DUSP16: variants seen among roughly 807,000 people sequenced by gnomAD.
The protein encoded by DUSP16 is dual specificity phosphatase 16.
DUSP16 carries 21 observed loss-of-function variants against 58.3 expected under a neutral mutation model. That is an observed-to-expected ratio of 0.36 (90% confidence interval 0.26 to 0.52). The LOEUF is 0.52. DUSP16 is among the 20% of genes least tolerant of loss of function. DUSP16 has a pLI of 0.94. For synonymous variants in DUSP16, 320 were observed against 323.8 expected (o/e 0.99, Z 0.12); for missense variants, 726 against 819.0 (o/e 0.89, Z 1.39).
chr12:12,518,374 G>A (rs1178075827), intron 3 of DUSP16, among the ~76,000 whole-genome samples: 8 of 152,080 alleles, frequency 5.3e-5, no homozygotes, highest in East Asian at 1.9e-4. Flanking sequence ...TTAGCCAGGC[G>A]TGGTGGCAGG....
intron 3 of DUSP16, among the ~76,000 whole-genome samples, chr12:12,508,876 C>T (rs1262567807): frequency 1.3e-5 from 2 of 152,166 alleles, no homozygotes; most frequent in African/African-American, 4.8e-5. Flanking sequence ...CACCAGCAGA[C>T]AAATCACTAA....
chr12:12,515,690 T>C (rs1273597910), intron 3 of DUSP16, among the ~76,000 whole-genome samples: 1 of 151,954 alleles, frequency 6.6e-6, no homozygotes, highest in Non-Finnish European at 1.5e-5. Context: ...GGTCTTTAAA[T>C]TGTACTTATT....
At chr12:12,493,451 A>T (rs1407061140) in intron 4 of DUSP16, among the ~76,000 whole-genome samples, 1 of 152,136 alleles carries the variant, frequency 6.6e-6, no homozygotes, top group Non-Finnish European at 1.5e-5. Flanking sequence ...AAGTGATCCT[A>T]ACAATGTAAG....
chr12:12,479,767 G>T (rs1031198574), intron 6 of DUSP16, among the ~76,000 whole-genome samples: 16 of 152,172 alleles, frequency 1.1e-4, no homozygotes, highest in Admixed American at 9.8e-4. Context: ...TTTTACTGAA[G>T]AATGGAGTCT....
intron 1 of DUSP16, among the ~76,000 whole-genome samples, chr12:12,547,424 TCAAAACAAA>T (rs201956034): frequency 0.017 from 1,951 of 116,280 alleles, 57 homozygotes; most frequent in African/African-American, 0.062. Context: ...AGACTTGGTC[TCAAAACAAA>T]CAAAACAAAC....
chr12:12,555,932 T>C (rs1026738138), intron 1 of DUSP16, among the ~76,000 whole-genome samples: 9 of 152,102 alleles, frequency 5.9e-5, no homozygotes, highest in African/African-American at 2.2e-4. Context: ...TCCTAGCTAT[T>C]TGGGAGGCTG....
chr12:12,499,612 A>T, intron 4 of DUSP16, among the ~76,000 whole-genome samples: 1 of 152,178 alleles, frequency 6.6e-6, no homozygotes, highest in East Asian at 1.9e-4. Flanking sequence ...TTATTTTTAC[A>T]ATCAGCCCAA....
At chr12:12,503,969 C>T (rs906826031) in intron 3 of DUSP16, among the ~76,000 whole-genome samples, 2 of 152,058 alleles carry the variant, frequency 1.3e-5, no homozygotes, top group Non-Finnish European at 2.9e-5. Context: ...CACAGACAAT[C>T]TCAAAAAAAG....
At chr12:12,500,093 A>G (rs1040701095) in intron 4 of DUSP16, among the ~76,000 whole-genome samples, 3 of 152,094 alleles carry the variant, frequency 2.0e-5, no homozygotes, top group Non-Finnish European at 4.4e-5. Flanking sequence ...GCCAGCAGTC[A>G]TCATGAGGAC....
At chr12:12,531,922 G>T (rs1345354906) in intron 1 of DUSP16, among the ~76,000 whole-genome samples, 1 of 152,090 alleles carries the variant, frequency 6.6e-6, no homozygotes, top group Non-Finnish European at 1.5e-5. Context: ...ACTTTGGGAG[G>T]CCGAGGCGGG....
chr12:12,500,499 GA>G lies in DUSP16; in HGVS notation c.531+19del, dbSNP rs1357700904. ...TAACAATATAAACCCAGCAATGAAG[GA>G]TATTTTCAAAGCACCCACCTTGTTG... On this transcript the variant is annotated intron_variant, in intron 4 of 6. Transcript: ENST00000298573. The G allele has an allele frequency of 1.9e-6, 3 of 1,590,246 alleles. No homozygotes were observed. The highest frequency in any genetic ancestry group is 2.6e-6 in the Non-Finnish European group (3 of 1,170,768).
At chr12:12,500,771 C>A in intron 3 of DUSP16, 89 bp from the exon 4 acceptor site, 1 of 1,239,506 alleles carries the variant, frequency 8.1e-7, no homozygotes, top group East Asian at 2.8e-5. Flanking sequence ...CAGTTTAAAC[C>A]CACGAATCCA....
rs1943425781 is a variant in DUSP16, at chr12:12,476,013, G to C, written c.*820C>G. The C allele has an allele frequency of 6.6e-6, 1 of 152,248 alleles. No homozygotes were observed. Among genetic ancestry groups the C allele is most frequent in the African/African-American group, 2.4e-5 (1 of 41,446 alleles). The allele number at this position is 152,248 out of a possible 1,614,324, so 9.4% of individuals were successfully genotyped here. A position where few individuals can be genotyped will look rare whatever the true frequency, so the allele number is the denominator to read the frequency against. On this transcript the variant is annotated 3_prime_UTR_variant, in exon 7 of 7. Coordinates refer to ENST00000298573, the MANE Select transcript of DUSP16 (RefSeq NM_030640.3). ...CAACCTTAGCTTAAATCGTGATGTT[G>C]CCAGGTTCCTGGTGGTTCAGCTGAA...
At position 12,515,658 on chromosome 12, in the gene DUSP16, G is replaced by A. The variant is rs555820855; in HGVS notation, c.367+4204C>T. On this transcript the variant is annotated intron_variant, in intron 3 of 6. Coordinates refer to ENST00000298573, the MANE Select transcript of DUSP16 (RefSeq NM_030640.3). ...GAATTCTTAAGTCTAAATTTCAAGGGGGGTTGTGGGGAAGATATGCAGGTC... is the reference window on the plus strand; with the variant it reads ...GAATTCTTAAGTCTAAATTTCAAGGAGGGTTGTGGGGAAGATATGCAGGTC... Among the ~76,000 whole-genome samples the A allele has an allele frequency of 6.8e-4, 103 of 151,890 alleles. 1 individual carries two copies. In the Middle Eastern group the frequency reaches 0.014, roughly 20 times the overall value.
At chr12:12,548,746 C>CA (rs1944685619) in intron 1 of DUSP16, among the ~76,000 whole-genome samples, 1 of 151,920 alleles carries the variant, frequency 6.6e-6, no homozygotes, top group South Asian at 2.1e-4. Flanking sequence ...CTAAAGGTGT[C>CA]AAGAACTGCT....
chr12:12,554,154 G>A (rs745384486), intron 1 of DUSP16, among the ~76,000 whole-genome samples: 3 of 128,432 alleles, frequency 2.3e-5, no homozygotes, highest in East Asian at 2.3e-4. Context: ...CTGAGACTGC[G>A]CCACTGCACT....
intron 3 of DUSP16, among the ~76,000 whole-genome samples, chr12:12,511,245 G>A (rs1216483642): frequency 5.9e-5 from 9 of 152,206 alleles, no homozygotes; most frequent in Non-Finnish European, 1.3e-4. Flanking sequence ...CATGGTAGCA[G>A]AAGACCAGAA....
chr12:12,486,476 A>G (rs1397277487), intron 5 of DUSP16, among the ~76,000 whole-genome samples: 1 of 122,102 alleles, frequency 8.2e-6, no homozygotes, highest in Non-Finnish European at 1.8e-5. Context: ...AAATAACCAA[A>G]TGAGAGTGTG....
At chr12:12,487,312 C>G (rs1018387217) in intron 4 of DUSP16, 125 bp from the exon 5 acceptor site, 13 of 1,087,462 alleles carry the variant, frequency 1.2e-5, no homozygotes, top group Non-Finnish European at 1.3e-5. Context: ...TCATTCAGAT[C>G]AGTGAAGTCC....
Sources: gnomAD v4.1 joint callset for allele counts (sites outside exome capture counted in the v4.1 genomes callset) on GRCh38, gnomAD v4.1.1 for gene constraint, MANE v1.5 for transcripts, NCBI Gene and HGNC (gene_info 2026-07-23, HGNC 2026-07-21) for gene names.